LIN52: variants seen among roughly 807,000 people sequenced by gnomAD.
The protein encoded by LIN52 is lin-52 DREAM MuvB core complex component.
Under a neutral mutation model 18.5 loss-of-function variants are expected in LIN52, and 4 were observed. That is an observed-to-expected ratio of 0.22 (90% CI 0.11 to 0.49). The LOEUF (loss-of-function observed/expected upper bound fraction) is 0.49, where lower values mean the gene tolerates loss of function less well. Among genes scored for constraint, LIN52 ranks in the 20% least tolerant of loss-of-function variants. The probability of loss-of-function intolerance (pLI) is 0.97; values close to 1 mark genes in which losing one functional copy is unlikely to be tolerated. For synonymous variants in LIN52, 34 were observed against 45.5 expected (o/e 0.75, Z 1.02); for missense variants, 102 against 139.5 (o/e 0.73, Z 1.35).
chr14:74,135,309 C>G (rs748528645), intron 5 of LIN52, among the ~76,000 whole-genome samples: 13 of 152,104 alleles, frequency 8.5e-5, no homozygotes, highest in Non-Finnish European at 1.6e-4. Flanking sequence ...ATGTTCTGCC[C>G]GCGTTGGCCT....
chr14:74,152,125 T>C (rs751009932), intron 5 of LIN52, among the ~76,000 whole-genome samples: 1 of 151,964 alleles, frequency 6.6e-6, no homozygotes, highest in Non-Finnish European at 1.5e-5. Context: ...TAGCCTGACA[T>C]GATGGTGCAT....
chr14:74,107,092 C>CG (rs1166983317), intron 5 of LIN52, among the ~76,000 whole-genome samples: 1 of 152,174 alleles, frequency 6.6e-6, no homozygotes, highest in Non-Finnish European at 1.5e-5. Context: ...TCTGAAGCTT[C>CG]GGGAAATTGT....
intron 5 of LIN52, among the ~76,000 whole-genome samples, chr14:74,183,904 T>C (rs2061330316): frequency 6.6e-6 from 1 of 152,204 alleles, no homozygotes; most frequent in Admixed American, 6.5e-5. Flanking sequence ...TAATAGTCCA[T>C]GTCCAGTTCG....
intron 5 of LIN52, among the ~76,000 whole-genome samples, chr14:74,193,185 T>TA (rs1350526359): frequency 1.5e-5 from 2 of 134,476 alleles, no homozygotes; most frequent in African/African-American, 2.8e-5. Flanking sequence ...CATCATTTAA[T>TA]AAAAATCAAT....
intron 5 of LIN52, among the ~76,000 whole-genome samples, chr14:74,149,424 C>CT (rs2061167075): frequency 1.3e-5 from 2 of 151,990 alleles, no homozygotes; most frequent in Non-Finnish European, 2.9e-5. Context: ...TCCTTTTTGC[C>CT]TTTAAGTTGA....
intron 5 of LIN52, among the ~76,000 whole-genome samples, chr14:74,128,287 C>T (rs954392931): frequency 3.3e-5 from 5 of 151,952 alleles, no homozygotes; most frequent in African/African-American, 4.8e-5. Flanking sequence ...AGCTAGAGTT[C>T]ACAGGACAGC....
intron 5 of LIN52, among the ~76,000 whole-genome samples, chr14:74,172,183 G>C (rs948090101): frequency 6.6e-6 from 1 of 152,096 alleles, no homozygotes. Flanking sequence ...TTCTGTTACA[G>C]CACTGTCATA....
intron 5 of LIN52, among the ~76,000 whole-genome samples, chr14:74,102,269 T>C (rs1312496144): frequency 2.0e-5 from 3 of 152,154 alleles, no homozygotes; most frequent in Non-Finnish European, 4.4e-5. Context: ...ATTTAAAATT[T>C]CTAATTTTCA....
rs185626144 is a variant in LIN52, at chr14:74,194,978, G to A, written c.284-3944G>A. On this transcript the variant is annotated intron_variant, in intron 5 of 5. Coordinates refer to ENST00000555028, the MANE Select transcript of LIN52 (RefSeq NM_001024674.3). ...TGGCCAACATGGTGAAAACCTGTCTGTACCAAAAATACAAAGAATTAGCCA... is the reference window on the plus strand; with the variant it reads ...TGGCCAACATGGTGAAAACCTGTCTATACCAAAAATACAAAGAATTAGCCA... 2.1e-3 allele frequency among the ~76,000 whole-genome samples: 316 copies of A among 152,232 alleles called. 13 individuals are homozygous for A. The East Asian group carries it at 0.049, about 24-fold the overall frequency.
Position 74,199,697 on chromosome 14 carries a change from C to T in LIN52, c.*720C>T, listed in dbSNP as rs1165466432. The T allele has an allele frequency of 6.6e-6, 1 of 152,108 alleles. No homozygotes were observed. The highest frequency in any genetic ancestry group is 2.4e-5 in the African/African-American group (1 of 41,404). 9.4% of individuals were successfully genotyped at this position (152,108 alleles called of 1,614,324 possible). On this transcript the variant is annotated 3_prime_UTR_variant, in exon 6 of 6. Transcript: ENST00000555028. ...GGCCCATCCAAGGTTGTCTAAAGAC[C>T]AATGTGAAGGTGACAGAAAGGACTT...
At chr14:74,138,673 A>C (rs917224684) in intron 5 of LIN52, among the ~76,000 whole-genome samples, 9 of 151,364 alleles carry the variant, frequency 5.9e-5, no homozygotes, top group Non-Finnish European at 1.0e-4. Flanking sequence ...AAATCACTTG[A>C]GTCCAAGAGT....
intron 5 of LIN52, among the ~76,000 whole-genome samples, chr14:74,154,238 A>G (rs1289317241): frequency 6.6e-6 from 1 of 151,810 alleles, no homozygotes; most frequent in Non-Finnish European, 1.5e-5. Context: ...TTTGATAGCC[A>G]TGACAGTTTT....
intron 5 of LIN52, among the ~76,000 whole-genome samples, chr14:74,136,707 A>C (rs145050229): frequency 4.6e-5 from 7 of 152,340 alleles, no homozygotes; most frequent in Admixed American, 1.3e-4. Context: ...ATGACTCTGC[A>C]AGAGGGATTG....
intron 5 of LIN52, among the ~76,000 whole-genome samples, chr14:74,191,635 T>TCC (rs1258745518): frequency 2.0e-5 from 3 of 150,862 alleles, no homozygotes; most frequent in African/African-American, 4.9e-5. Context: ...TTTTCTTTCT[T>TCC]TCTTTTTTTT....
intron 1 of LIN52, among the ~76,000 whole-genome samples, chr14:74,089,912 G>A (rs921343750): frequency 2.0e-5 from 3 of 152,262 alleles, no homozygotes; most frequent in East Asian, 1.9e-4. Context: ...AGATGGGCAG[G>A]TGTAGGAGTC....
At chr14:74,134,704 G>A (rs1278200386) in intron 5 of LIN52, among the ~76,000 whole-genome samples, 2 of 152,226 alleles carry the variant, frequency 1.3e-5, no homozygotes, top group South Asian at 2.1e-4. Context: ...CTGCTCAAGA[G>A]TGGGCCAGCT....
chr14:74,131,124 T>C (rs76898541), intron 5 of LIN52, among the ~76,000 whole-genome samples: 2,075 of 152,094 alleles, frequency 0.014, 47 homozygotes, highest in African/African-American at 0.046. Flanking sequence ...ATTCCTATTG[T>C]CTATTTGCCT....
chr14:74,097,908 A>C, intron 4 of LIN52, 48 bp downstream of exon 4: 1 of 1,364,786 alleles, frequency 7.3e-7, no homozygotes, highest in Non-Finnish European at 1.0e-6. Flanking sequence ...ATGTTTTTCC[A>C]TAGACCACCT....
intron 5 of LIN52, 145 bp from the exon 6 acceptor site, chr14:74,198,777 A>G (rs1163785805): frequency 9.3e-6 from 6 of 644,678 alleles, no homozygotes; most frequent in Non-Finnish European, 1.6e-5. Flanking sequence ...ACCCCCTTTT[A>G]GGTTAGTTGG....
Sources: allele counts gnomAD v4.1 joint callset (sites outside exome capture counted in the v4.1 genomes callset), GRCh38; gene constraint gnomAD v4.1.1; transcripts MANE v1.5; gene names NCBI Gene and HGNC (gene_info 2026-07-23, HGNC 2026-07-21).